CGGBP1: variants seen among roughly 807,000 people sequenced by gnomAD.
CGGBP1 encodes the protein CGG triplet repeat-binding protein 1.
A neutral mutation model predicts 11.4 loss-of-function variants in CGGBP1; 4 were observed. The observed-to-expected ratio is 0.35, with a 90% CI of 0.17 to 0.80. The LOEUF (loss-of-function observed/expected upper bound fraction) is 0.80, where lower values mean the gene tolerates loss of function less well. CGGBP1 is among the 30% of genes least tolerant of loss of function. The pLI is 0.52. For synonymous variants in CGGBP1, 76 were observed against 74.1 expected (o/e 1.03, Z -0.13); for missense variants, 135 against 202.1 (o/e 0.67, Z 2.01).
At chr3:88,072,101 G>C (rs1232420039) in intron 2 of CGGBP1, among the ~76,000 whole-genome samples, 1 of 152,094 alleles carries the variant, frequency 6.6e-6, no homozygotes, top group Admixed American at 6.5e-5. Context: ...AATAGGTACT[G>C]TGTGAAAAGC....
At chr3:88,122,333 C>A (rs1245604823) in intron 2 of CGGBP1, among the ~76,000 whole-genome samples, 1 of 152,052 alleles carries the variant, frequency 6.6e-6, no homozygotes, top group Non-Finnish European at 1.5e-5. Context: ...TCCAGAAGTC[C>A]TTAAATTTGA....
At chr3:88,086,505 C>G (rs1364087510) in intron 2 of CGGBP1, 1 of 1,012,784 alleles carries the variant, frequency 9.9e-7, no homozygotes, top group East Asian at 2.8e-5. Context: ...CTAAAGTATT[C>G]CCTCAAAAAG....
rs539636633 is a variant in CGGBP1 at position 88,078,332 on chromosome 3, A to G, written c.-228-20109T>C. 5.3e-5 allele frequency among the ~76,000 whole-genome samples: 8 copies of G among 152,274 alleles called. No homozygotes were observed. The South Asian group carries it at 1.7e-3, about 32-fold the overall frequency. ...ATTTTTGGAACTTCTAACAAGGTGA[A>G]TGATTTTCAAATTGGTAACTAAATG... is the stretch of plus-strand genomic sequence containing the variant. On this transcript the variant is annotated intron_variant, in intron 2 of 3. Transcript: ENST00000462901.
At chr3:88,057,402 T>C (rs1227186564) in intron 2 of CGGBP1, 110 bp from the exon 3 acceptor site, 6 of 152,104 alleles carry the variant, frequency 3.9e-5, no homozygotes, top group Non-Finnish European at 7.4e-5. Context: ...GGCTACAGGT[T>C]TGCAACGGCA....
At chr3:88,096,468 T>G (rs1417763656) in intron 2 of CGGBP1, among the ~76,000 whole-genome samples, 1 of 152,142 alleles carries the variant, frequency 6.6e-6, no homozygotes, top group Non-Finnish European at 1.5e-5. Context: ...TCCTGACTTC[T>G]GACTTCTGCC....
chr3:88,079,409 C>T (rs1707970846), intron 2 of CGGBP1, among the ~76,000 whole-genome samples: 1 of 151,920 alleles, frequency 6.6e-6, no homozygotes, highest in Non-Finnish European at 1.5e-5. Context: ...GTGATAGCTG[C>T]CTTATAATAT....
chr3:88,129,321 T>TAAAA (rs11370327), intron 2 of CGGBP1, among the ~76,000 whole-genome samples: 3 of 76,926 alleles, frequency 3.9e-5, no homozygotes, highest in Non-Finnish European at 4.8e-5. Flanking sequence ...TTGCCAGGAG[T>TAAAA]AAAAAAAAAA....
At chr3:88,131,411 G>T (rs1290868103) in intron 2 of CGGBP1, among the ~76,000 whole-genome samples, 1 of 152,092 alleles carries the variant, frequency 6.6e-6, no homozygotes. Context: ...TTTCCTATGG[G>T]AATAGAAATG....
At chr3:88,140,983 C>T in exon 2 of CGGBP1, 2 of 1,612,996 alleles carry the variant, frequency 1.2e-6, no homozygotes, top group Non-Finnish European at 1.7e-6. Context: ...AATGCAGAAG[C>T]ACTTGAGGCT....
chr3:88,095,748 C>A (rs1704021180), intron 2 of CGGBP1: 3 of 388,588 alleles, frequency 7.7e-6, no homozygotes, highest in South Asian at 6.0e-5. Context: ...GTTATTTTAA[C>A]CCTCCTTCAT....
chr3:88,136,430 A>G (rs539961577), intron 2 of CGGBP1, among the ~76,000 whole-genome samples: 2 of 152,316 alleles, frequency 1.3e-5, no homozygotes, highest in Admixed American at 1.3e-4. Context: ...AAATCATTCA[A>G]TTGCCTCAGT....
upstream of CGGBP1, among the ~76,000 whole-genome samples, chr3:88,059,684 G>A (rs1392840219): frequency 6.6e-6 from 1 of 152,088 alleles, no homozygotes; most frequent in African/African-American, 2.4e-5. Context: ...GGGGAGCAAG[G>A]CGAGGGTGAC....
At chr3:88,065,158 C>A (rs1467719392) in intron 2 of CGGBP1, among the ~76,000 whole-genome samples, 1 of 152,144 alleles carries the variant, frequency 6.6e-6, no homozygotes, top group Non-Finnish European at 1.5e-5. Flanking sequence ...TGGGATATTT[C>A]AAGTCTTCAT....
At chr3:88,129,695 G>A in intron 2 of CGGBP1, 2 of 1,486,084 alleles carry the variant, frequency 1.3e-6, no homozygotes, top group Middle Eastern at 1.8e-4. Context: ...AGCATTTATT[G>A]AAAACTGATT....
At chr3:88,087,384 G>T (rs943549303) in intron 2 of CGGBP1, among the ~76,000 whole-genome samples, 2 of 152,024 alleles carry the variant, frequency 1.3e-5, no homozygotes, top group African/African-American at 2.4e-5. Context: ...TGAAAATCCT[G>T]GTTTTTAAAA....
intron 2 of CGGBP1, among the ~76,000 whole-genome samples, chr3:88,082,129 A>ATT (rs780949287): frequency 9.2e-5 from 13 of 141,720 alleles, no homozygotes; most frequent in South Asian, 2.3e-4. Flanking sequence ...TTGTTAATCA[A>ATT]TTTTTTTTTT....
intron 2 of CGGBP1, among the ~76,000 whole-genome samples, chr3:88,099,182 A>T (rs904844619): frequency 6.6e-6 from 1 of 152,200 alleles, no homozygotes; most frequent in African/African-American, 2.4e-5. Flanking sequence ...GCATTCCTCT[A>T]CACCAATAAC....
At chr3:88,108,491 G>A (rs1300088715) in intron 2 of CGGBP1, among the ~76,000 whole-genome samples, 1 of 152,046 alleles carries the variant, frequency 6.6e-6, no homozygotes, top group Non-Finnish European at 1.5e-5. Flanking sequence ...GTCAACCATG[G>A]TCCAAAAATG....
chr3:88,123,027 GTAAAAAGA>G (rs1250553948), intron 2 of CGGBP1, among the ~76,000 whole-genome samples: 20 of 143,440 alleles, frequency 1.4e-4, no homozygotes, highest in Middle Eastern at 3.6e-3. Flanking sequence ...AAAAAAAAAA[GTAAAAAGA>G]AAAAAAGAAA....
Sources: allele counts gnomAD v4.1 joint callset (sites outside exome capture counted in the v4.1 genomes callset), GRCh38; gene constraint gnomAD v4.1.1; transcripts MANE v1.5; gene names NCBI Gene and HGNC (gene_info 2026-07-23, HGNC 2026-07-21).